The following FUT9 variants were observed in gnomAD, a reference collection of about 807,000 sequenced individuals.
FUT9 encodes the protein fucosyltransferase 9, also known as 4-galactosyl-N-acetylglucosaminide 3-alpha-L-fucosyltransferase 9.
FUT9 carries 15 observed loss-of-function variants against 29.7 expected under a neutral mutation model. The ratio of observed to expected loss-of-function variants is 0.51; its 90% CI spans 0.34 to 0.78. FUT9 has a LOEUF of 0.78. Among genes scored for constraint, FUT9 ranks in the 30% least tolerant of loss-of-function variants. The pLI, the probability that FUT9 is intolerant of heterozygous loss-of-function variation, is 0.01. For synonymous variants in FUT9, 169 were observed against 153.7 expected (o/e 1.10, Z -0.74); for missense variants, 319 against 425.4 (o/e 0.75, Z 2.20).
chr6:96,110,972 T>C (rs1365702814), intron 1 of FUT9, among the ~76,000 whole-genome samples: 1 of 152,168 alleles, frequency 6.6e-6, no homozygotes, highest in African/African-American at 2.4e-5. Context: ...CTGTTCTTTC[T>C]ACATGATTTG....
chr6:96,053,212 T>C (rs902236740), intron 1 of FUT9, among the ~76,000 whole-genome samples: 4 of 152,176 alleles, frequency 2.6e-5, no homozygotes, highest in African/African-American at 7.2e-5. Context: ...GGATTTTACA[T>C]GTCTAAGAAG....
chr6:96,084,559 G>A (rs573063175), intron 1 of FUT9, among the ~76,000 whole-genome samples: 5 of 152,124 alleles, frequency 3.3e-5, no homozygotes, highest in African/African-American at 4.8e-5. Flanking sequence ...TCACACACAC[G>A]TTTGTGACTG....
intron 2 of FUT9, among the ~76,000 whole-genome samples, chr6:96,194,678 T>A (rs767020557): frequency 2.7e-5 from 4 of 146,260 alleles, no homozygotes; most frequent in Admixed American, 7.2e-5. Flanking sequence ...GCTAGTAATC[T>A]ATCAGCCCAA....
intron 1 of FUT9, among the ~76,000 whole-genome samples, chr6:96,108,864 C>T (rs937326431): frequency 6.6e-6 from 1 of 152,158 alleles, no homozygotes; most frequent in Non-Finnish European, 1.5e-5. Context: ...TGTACACACA[C>T]AGTTCATTTC....
chr6:96,031,502 G>A (rs1770260206), intron 1 of FUT9, among the ~76,000 whole-genome samples: 1 of 151,318 alleles, frequency 6.6e-6, no homozygotes, highest in African/African-American at 2.4e-5. Context: ...GTAGAGTTAG[G>A]GTGACTGCCC....
intron 2 of FUT9, among the ~76,000 whole-genome samples, chr6:96,145,050 T>G (rs151053393): frequency 6.6e-6 from 1 of 152,186 alleles, no homozygotes; most frequent in African/African-American, 2.4e-5. Context: ...TTATTCTTTA[T>G]TATTTATTTA....
At chr6:96,107,589 G>A (rs569870108) in intron 1 of FUT9, among the ~76,000 whole-genome samples, 7 of 152,112 alleles carry the variant, frequency 4.6e-5, no homozygotes, top group East Asian at 1.9e-4. Flanking sequence ...TATTTCTATC[G>A]ATAAAGTATA....
At chr6:96,039,141 T>C (rs1770411498) in intron 1 of FUT9, among the ~76,000 whole-genome samples, 1 of 152,098 alleles carries the variant, frequency 6.6e-6, no homozygotes, top group Admixed American at 6.6e-5. Context: ...CTAAGCTTAG[T>C]GATGGGCACA....
In FUT9 at chr6:96,207,226, C is replaced by CGT. The variant is rs1217850637; in HGVS notation, c.*2991_*2992insGT. ...TTTATTCAAGACACACATTCACACA[C>CGT]ACATACACACACACACACACACACC... is the stretch of plus-strand genomic sequence containing the variant. On this transcript the variant is annotated 3_prime_UTR_variant, in exon 3 of 3. Coordinates refer to ENST00000302103, the MANE Select transcript of FUT9 (RefSeq NM_006581.4). 1.8e-5 allele frequency: 2 copies of CGT among 109,642 alleles called. No individual in the cohort carries two copies. Among genetic ancestry groups the CGT allele is most frequent in the Non-Finnish European group, 4.8e-5 (2 of 41,552 alleles). 6.8% of individuals were successfully genotyped at this position (109,642 alleles called of 1,614,324 possible).
intron 1 of FUT9, among the ~76,000 whole-genome samples, chr6:96,099,933 TGCAACAAAAAG>T (rs924007106): frequency 6.6e-6 from 1 of 152,152 alleles, no homozygotes; most frequent in Non-Finnish European, 1.5e-5. Flanking sequence ...TTATGCAGTC[TGCAACAAAAAG>T]GTCAATGGAA....
chr6:96,159,687 A>T (rs2127979451), intron 2 of FUT9, among the ~76,000 whole-genome samples: 1 of 152,256 alleles, frequency 6.6e-6, no homozygotes, highest in Non-Finnish European at 1.5e-5. Context: ...TCCAAGTTCC[A>T]TTCATTTAGC....
At chr6:96,078,643 G>A (rs1771184254) in intron 1 of FUT9, among the ~76,000 whole-genome samples, 1 of 151,476 alleles carries the variant, frequency 6.6e-6, no homozygotes, top group South Asian at 2.1e-4. Flanking sequence ...GATGGTCTCT[G>A]TCTCCTGACC....
intron 1 of FUT9, among the ~76,000 whole-genome samples, chr6:96,089,777 A>T (rs550480323): frequency 6.6e-6 from 1 of 152,318 alleles, no homozygotes; most frequent in South Asian, 2.1e-4. Flanking sequence ...GAATCATAAC[A>T]GCGCTTTTAA....
intron 1 of FUT9, among the ~76,000 whole-genome samples, chr6:96,104,617 G>A: frequency 6.6e-6 from 1 of 151,354 alleles, no homozygotes. Flanking sequence ...CGCAATCTCC[G>A]CTTTCCAGGT....
At chr6:96,063,422 TG>T (rs1562112949) in intron 1 of FUT9, among the ~76,000 whole-genome samples, 1 of 151,718 alleles carries the variant, frequency 6.6e-6, no homozygotes, top group African/African-American at 2.4e-5. Flanking sequence ...GGAGAGAGTA[TG>T]GGGGGCACAC....
intron 1 of FUT9, among the ~76,000 whole-genome samples, chr6:96,052,661 A>G (rs898310671): frequency 1.3e-5 from 2 of 152,214 alleles, no homozygotes; most frequent in African/African-American, 2.4e-5. Flanking sequence ...AGAATTTTCC[A>G]ATGGAACTAA....
At chr6:96,101,452 G>A (rs538420901) in intron 1 of FUT9, among the ~76,000 whole-genome samples, 2 of 151,874 alleles carry the variant, frequency 1.3e-5, no homozygotes, top group African/African-American at 4.8e-5. Context: ...AGGAGGCTGA[G>A]GCAGGAGAAT....
chr6:96,165,620 G>A (rs1231625646), intron 2 of FUT9, among the ~76,000 whole-genome samples: 1 of 151,580 alleles, frequency 6.6e-6, no homozygotes, highest in African/African-American at 2.4e-5. Flanking sequence ...TGTCACTTGT[G>A]CATTTAAAAC....
intron 1 of FUT9, among the ~76,000 whole-genome samples, chr6:96,105,792 A>G (rs560359042): frequency 5.9e-5 from 9 of 152,344 alleles, no homozygotes; most frequent in African/African-American, 2.2e-4. Flanking sequence ...AAACATCTGC[A>G]ACAAATTCCT....
Sources: gnomAD v4.1 joint callset for allele counts (sites outside exome capture counted in the v4.1 genomes callset) on GRCh38, gnomAD v4.1.1 for gene constraint, MANE v1.5 for transcripts, NCBI Gene and HGNC (gene_info 2026-07-23, HGNC 2026-07-21) for gene names.